The following PEPD variants were observed in gnomAD, a reference collection of about 807,000 sequenced individuals.
PEPD encodes the protein xaa-Pro dipeptidase.
Under a neutral mutation model 60.7 loss-of-function variants are expected in PEPD, and 53 were observed. The observed-to-expected ratio is 0.87, with a 90% CI of 0.70 to 1.10. PEPD has a LOEUF of 1.10. PEPD is among the 50% of genes least tolerant of loss of function. The pLI is 0.00. For missense variants in PEPD, 711 were observed against 711.9 expected (o/e 1.00, Z 0.01); for synonymous variants, 267 against 284.1 (o/e 0.94, Z 0.60).
At chr19:33,423,877 A>G (rs1969088244) in intron 9 of PEPD, among the ~76,000 whole-genome samples, 1 of 152,110 alleles carries the variant, frequency 6.6e-6, no homozygotes, top group Admixed American at 6.5e-5. Context: ...CCCTACCCCT[A>G]TGATTATATA....
intron 9 of PEPD, among the ~76,000 whole-genome samples, chr19:33,431,711 G>C (rs1969277643): frequency 6.6e-6 from 1 of 152,138 alleles, no homozygotes; most frequent in South Asian, 2.1e-4. Context: ...GGGAAGATTA[G>C]GCAGGTCGTG....
intron 4 of PEPD, among the ~76,000 whole-genome samples, chr19:33,496,521 G>A (rs962618136): frequency 6.6e-6 from 1 of 152,110 alleles, no homozygotes; most frequent in Non-Finnish European, 1.5e-5. Context: ...TTAGTGCTAC[G>A]CTCTCATCAG....
chr19:33,415,243 C>T (rs986868687), intron 9 of PEPD, among the ~76,000 whole-genome samples: 1 of 152,230 alleles, frequency 6.6e-6, no homozygotes, highest in African/African-American at 2.4e-5. Context: ...GACGTGATGG[C>T]GACAGCGGAC....
chr19:33,520,825 A>G (rs978307824), intron 1 of PEPD, among the ~76,000 whole-genome samples: 1 of 151,930 alleles, frequency 6.6e-6, no homozygotes, highest in Non-Finnish European at 1.5e-5. Flanking sequence ...ACCTTCTCCC[A>G]TTGAACTCAC....
At chr19:33,512,287 T>G (rs1970941710) in intron 2 of PEPD, among the ~76,000 whole-genome samples, 1 of 152,196 alleles carries the variant, frequency 6.6e-6, no homozygotes, top group Non-Finnish European at 1.5e-5. Flanking sequence ...TGGGCCCAGC[T>G]CAGAGCCTCA....
At chr19:33,448,231 C>T (rs1969628602) in intron 9 of PEPD, among the ~76,000 whole-genome samples, 1 of 152,242 alleles carries the variant, frequency 6.6e-6, no homozygotes, top group African/African-American at 2.4e-5. Context: ...TCACTACTGC[C>T]TGCCTGTTCT....
rs192090299 is a variant in PEPD at position 33,515,748 on chromosome 19, A to G, written c.18-2972T>C. Reference sequence around the variant, plus strand: ...TGCCCATCCTCAGCCACCAGCCTGCATAGCCCAGCCCAGCCCACCTCTCCC... The same window carrying G: ...TGCCCATCCTCAGCCACCAGCCTGCGTAGCCCAGCCCAGCCCACCTCTCCC... On this transcript the variant is annotated intron_variant, in intron 1 of 14. Transcript: ENST00000244137. 3.2e-3 allele frequency among the ~76,000 whole-genome samples: 485 copies of G among 150,772 alleles called. 5 individuals carry two copies. Among genetic ancestry groups the G allele is most frequent in the African/African-American group, 0.011 (459 of 40,952 alleles).
Position 33,428,044 on chromosome 19 carries a change from C to T in PEPD, c.672-14401G>A, listed in dbSNP as rs376124513. ...CCTGGCCCCCACCTTGTAAGAGACA[C>T]GCTTGAAGACAGAAGTGGTCGTTAT... On this transcript the variant is annotated intron_variant, in intron 9 of 14. Transcript: ENST00000244137. 1.0e-3 allele frequency among the ~76,000 whole-genome samples: 158 copies of T among 152,234 alleles called. 1 individual carries two copies. The highest frequency in any genetic ancestry group is 3.0e-3 in the African/African-American group (124 of 41,542).
chr19:33,512,548 C>T lies in PEPD; in HGVS notation c.201+45G>A, dbSNP rs1307983155. 3 of 1,581,484 alleles carry T rather than the reference C, an allele frequency of 1.9e-6. No individual in the cohort carries two copies. In the African/African-American group the frequency reaches 4.0e-5, roughly 21 times the overall value. The stretch of plus-strand genomic sequence containing the variant: ...CTCCAACTCCTGCTCAGGACAGCAG[C>T]ACCATCACACACCTGCTCACTTGTG... On this transcript the variant is annotated intron_variant, in intron 2 of 14. Transcript: ENST00000244137.
chr19:33,513,131 C>A (rs1000307051), intron 1 of PEPD, among the ~76,000 whole-genome samples: 2 of 152,102 alleles, frequency 1.3e-5, no homozygotes, highest in African/African-American at 2.4e-5. Context: ...GGGGGCCACT[C>A]TCTCTGCGGA....
intron 1 of PEPD, among the ~76,000 whole-genome samples, chr19:33,517,715 C>A (rs1236258636): frequency 6.6e-6 from 1 of 151,876 alleles, no homozygotes; most frequent in African/African-American, 2.4e-5. Flanking sequence ...GCCTGTAATA[C>A]CAGCACTTGG....
intron 3 of PEPD, among the ~76,000 whole-genome samples, chr19:33,502,832 C>G (rs1279085834): frequency 6.6e-6 from 1 of 151,694 alleles, no homozygotes; most frequent in African/African-American, 2.4e-5. Flanking sequence ...TTCAATAAAT[C>G]TCTGCTTTCA....
At chr19:33,409,359 G>A (rs1315842559) in intron 11 of PEPD, among the ~76,000 whole-genome samples, 3 of 152,218 alleles carry the variant, frequency 2.0e-5, no homozygotes, top group South Asian at 2.1e-4. Context: ...TGCGCTACAG[G>A]GTTAAAGAGC....
At chr19:33,406,692 C>T (rs528117621) in intron 11 of PEPD, among the ~76,000 whole-genome samples, 3 of 152,310 alleles carry the variant, frequency 2.0e-5, no homozygotes, top group South Asian at 2.1e-4. Flanking sequence ...GGGTCCGCAG[C>T]GCGATGGTGG....
intron 9 of PEPD, among the ~76,000 whole-genome samples, chr19:33,459,458 T>G (rs1458294528): frequency 6.6e-6 from 1 of 152,096 alleles, no homozygotes; most frequent in Non-Finnish European, 1.5e-5. Context: ...GGCTACAAGC[T>G]GGGTACGCCA....
chr19:33,450,927 G>C (rs568912208), intron 9 of PEPD, among the ~76,000 whole-genome samples: 6 of 152,142 alleles, frequency 3.9e-5, no homozygotes, highest in Non-Finnish European at 7.3e-5. Flanking sequence ...CAACACCAGG[G>C]AGTTACCACC....
intron 9 of PEPD, among the ~76,000 whole-genome samples, chr19:33,415,387 G>A (rs1345895203): frequency 6.6e-6 from 1 of 152,180 alleles, no homozygotes; most frequent in Non-Finnish European, 1.5e-5. Flanking sequence ...GAAAGGAGCG[G>A]CAGGCCGGGC....
At chr19:33,445,567 C>G (rs1167347953) in intron 9 of PEPD, among the ~76,000 whole-genome samples, 1 of 152,204 alleles carries the variant, frequency 6.6e-6, no homozygotes, top group Non-Finnish European at 1.5e-5. Context: ...GCGGCAAGCC[C>G]AGGAGAGAGG....
At chr19:33,443,829 AG>A (rs1285813798) in intron 9 of PEPD, among the ~76,000 whole-genome samples, 1 of 152,208 alleles carries the variant, frequency 6.6e-6, no homozygotes, top group East Asian at 1.9e-4. Flanking sequence ...AGGGAGGGTG[AG>A]AAGAGTGTGT....
Sources: allele counts gnomAD v4.1 joint callset (sites outside exome capture counted in the v4.1 genomes callset), GRCh38; gene constraint gnomAD v4.1.1; transcripts MANE v1.5; gene names NCBI Gene and HGNC (gene_info 2026-07-23, HGNC 2026-07-21).